MFNG: variants seen among roughly 807,000 people sequenced by gnomAD.
The protein encoded by MFNG is MFNG O-fucosylpeptide 3-beta-N-acetylglucosaminyltransferase.
Under a neutral mutation model 34.2 loss-of-function variants are expected in MFNG, and 24 were observed. The observed-to-expected ratio is 0.70, with a 90% CI of 0.51 to 0.99. The LOEUF is 0.99. Ranked by LOEUF, MFNG falls within the 50% of genes least tolerant of loss-of-function variation. MFNG has a pLI of 0.00. For synonymous variants in MFNG, 158 were observed against 179.2 expected (o/e 0.88, Z 0.94); for missense variants, 383 against 424.0 (o/e 0.90, Z 0.85).
chr22:37,486,229 G>C lies in MFNG; in HGVS notation c.-52C>G. On this transcript the variant is annotated 5_prime_UTR_variant, in exon 1 of 8. Coordinates refer to ENST00000356998, the MANE Select transcript of MFNG (RefSeq NM_002405.4). ...TCAGCCCCCAAATCCCAACCAGACA[G>C]GGAGGGGAAGCTGGTCAGGCAGGGG... is the stretch of plus-strand genomic sequence containing the variant. 6.8e-7 allele frequency: 1 copy of C among 1,463,612 alleles called. No homozygotes were observed. The highest frequency in any genetic ancestry group is 2.4e-5 in the East Asian group (1 of 41,194). 90.7% of individuals were successfully genotyped at this position (1,463,612 alleles called of 1,614,324 possible). A position where few individuals can be genotyped will look rare whatever the true frequency, so the allele number is the denominator to read the frequency against.
chr22:37,482,201 ACT>A lies in MFNG; in HGVS notation c.256-1434_256-1433del, dbSNP rs1237209308. On this transcript the variant is annotated intron_variant, in intron 1 of 7. Transcript: ENST00000356998. This position sits in a 1 kb window ranked among gnomAD's most constrained non-coding sequence, Gnocchi z 4.1. ...TCACCTCTCACTGGACTACTGCAAG[ACT>A]CTGCCTCATTCCCTCAGATATGTTT... Among the ~76,000 whole-genome samples the A allele has an allele frequency of 2.0e-5, 3 of 151,952 alleles. No individual in the cohort carries two copies. Among genetic ancestry groups the A allele is most frequent in the Non-Finnish European group, 2.9e-5 (2 of 67,966 alleles).
chr22:37,478,106 C>G (rs1396114289), intron 4 of MFNG, among the ~76,000 whole-genome samples: 1 of 152,206 alleles, frequency 6.6e-6, no homozygotes, highest in Non-Finnish European at 1.5e-5. Context: ...ACACAGAGCC[C>G]TAGGGCCCAG....
At position 37,486,330 on chromosome 22, in the gene MFNG, C is replaced by T; in HGVS notation, c.-153G>A. The stretch of plus-strand genomic sequence containing the variant: ...AGAGGTAGGAGCTGAGGCTCTGGAC[C>T]CAGAGGCTGAGCCATGGCAGCACGA... On this transcript the variant is annotated 5_prime_UTR_variant, in exon 1 of 8. Coordinates refer to ENST00000356998, the MANE Select transcript of MFNG (RefSeq NM_002405.4). 1.3e-6 allele frequency: 1 copy of T among 795,660 alleles called. No homozygotes were observed. Among genetic ancestry groups the T allele is most frequent in the Non-Finnish European group, 1.8e-6 (1 of 556,066 alleles). The allele number at this position is 795,660 out of a possible 1,614,324, so 49.3% of individuals were successfully genotyped here.
intron 1 of MFNG, chr22:37,484,535 C>G (rs947283095): frequency 6.6e-6 from 1 of 152,510 alleles, no homozygotes; most frequent in Non-Finnish European, 1.5e-5. Context: ...AGGCCTTCTG[C>G]GTGACACCAC....
chr22:37,481,780 C>T (rs1234392056), intron 1 of MFNG, among the ~76,000 whole-genome samples: 2 of 152,324 alleles, frequency 1.3e-5, no homozygotes, highest in Admixed American at 6.5e-5. Context: ...TAAAGCCCTC[C>T]GACTCTCTCA....
chr22:37,481,101 A>C, intron 1 of MFNG: 1 of 349,052 alleles, frequency 2.9e-6, no homozygotes, highest in Non-Finnish European at 5.3e-6. Flanking sequence ...ACACACACAC[A>C]CACAATCACA....
intron 7 of MFNG, among the ~76,000 whole-genome samples, chr22:37,472,204 G>C (rs978794147): frequency 2.6e-5 from 4 of 152,072 alleles, no homozygotes; most frequent in African/African-American, 9.7e-5. Flanking sequence ...ATCCATCATG[G>C]CCAGCCTCCA....
At position 37,469,332 on chromosome 22, in the gene MFNG, G is replaced by C. The variant is rs1367402581; in HGVS notation, c.*631C>G. ...GAAAGGCTGGGAAATGAGCAAAAAG[G>C]ATCATCACAATTGGCTGGGACCCGT... On this transcript the variant is annotated 3_prime_UTR_variant, in exon 8 of 8. Transcript: ENST00000356998. 6.0e-6 allele frequency: 1 copy of C among 167,164 alleles called. No individual in the cohort carries two copies. Among genetic ancestry groups the C allele is most frequent in the Non-Finnish European group, 1.3e-5 (1 of 76,598 alleles). 10.4% of individuals were successfully genotyped at this position (167,164 alleles called of 1,614,324 possible).
chr22:37,471,455 T>C lies in MFNG; in HGVS notation c.899+988A>G, dbSNP rs547247874. 1.6e-4 allele frequency among the ~76,000 whole-genome samples: 24 copies of C among 152,200 alleles called. No individual in the cohort carries two copies. The South Asian group carries it at 3.9e-3, about 25-fold the overall frequency. ...AAGGGGTCAAGCATCAGTTCTGGGG[T>C]TGGACTGATGGGCCCAGAGTCCATG... On this transcript the variant is annotated intron_variant, in intron 7 of 7. Transcript: ENST00000356998.
chr22:37,480,995 C>T (rs935351680), intron 1 of MFNG: 9 of 566,206 alleles, frequency 1.6e-5, no homozygotes, highest in Non-Finnish European at 2.2e-5. Context: ...TAAACACATA[C>T]ACTCACCCCC....
chr22:37,474,853 T>C (rs949438306), intron 5 of MFNG, among the ~76,000 whole-genome samples, 176 bp from the exon 6 acceptor site: 1 of 152,212 alleles, frequency 6.6e-6, no homozygotes, highest in African/African-American at 2.4e-5. Flanking sequence ...CTCAGTCTCC[T>C]GTTCTGTGAA....
chr22:37,485,981 A>G lies in MFNG; in HGVS notation c.197T>C (p.Phe66Ser), dbSNP rs949507617. The change falls in exon 1 of 8, where the codon TTC (phenylalanine) becomes TCC (serine). Residue 66 changes from phenylalanine (F) to serine (S), a missense_variant. Phe to Ser is a radical substitution (Grantham distance 155). Coordinates refer to ENST00000356998, the MANE Select transcript of MFNG (RefSeq NM_002405.4). This position sits in a 1 kb window ranked among gnomAD's most constrained non-coding sequence, Gnocchi z 5.3. ...CAGCAGCTCCAGGCGCAAGCGGTGG[A>G]AAGCCCGGGTCGTCTTCACTGCAAT... ...VFIAVKTTRA[F>S]HRLRLELLLD... 1.9e-6 allele frequency: 3 copies of G among 1,613,942 alleles called. No homozygotes were observed. The highest frequency in any genetic ancestry group is 2.2e-5 in the East Asian group (1 of 44,864).
intron 3 of MFNG, 97 bp from the exon 4 acceptor site, chr22:37,479,595 G>A: frequency 1.4e-6 from 2 of 1,480,132 alleles, no homozygotes; most frequent in African/African-American, 1.4e-5. Flanking sequence ...CGGAATGGGG[G>A]TAGGGGTGGG....
In MFNG at chr22:37,482,489, G is replaced by A. The variant is rs564027371; in HGVS notation, c.256-1720C>T. ...CACACACACACACACACGCACGTGC[G>A]CACGCCTCTGAGCCTCTGCGCATGC... On this transcript the variant is annotated intron_variant, in intron 1 of 7. Transcript: ENST00000356998. The surrounding 1 kb of genome is among the most constrained non-coding windows in gnomAD (Gnocchi z 4.1). 1.6e-4 allele frequency among the ~76,000 whole-genome samples: 25 copies of A among 151,922 alleles called. No individual in the cohort carries two copies. Among genetic ancestry groups the A allele is most frequent in the African/African-American group, 4.6e-4 (19 of 41,418 alleles).
intron 7 of MFNG, 60 bp from the exon 8 acceptor site, chr22:37,470,089 C>T (rs1444062370): frequency 7.5e-7 from 1 of 1,326,580 alleles, no homozygotes; most frequent in Admixed American, 2.0e-5. Flanking sequence ...TCAGCCCACT[C>T]TCCTAGGTGC....
chr22:37,486,031 AG>A lies in MFNG; in HGVS notation c.146del (p.Pro49LeufsTer12), dbSNP rs779079999. The A allele has an allele frequency of 1.1e-5, 17 of 1,613,906 alleles. No homozygotes were observed. The highest frequency in any genetic ancestry group is 1.4e-5 in the Non-Finnish European group (17 of 1,179,984). On this transcript the variant is annotated frameshift_variant, in exon 1 of 8. Coordinates refer to ENST00000356998, the MANE Select transcript of MFNG (RefSeq NM_002405.4). LOFTEE classifies it high-confidence loss of function. ...TGAAGACATCGTGTAGCTGTAGCTT[AG>A]GGGGCCCCGGGTTCGGCTGGCTCAG... The part of the protein sequence containing the change: ...PELSQPNPGP[P>X]KLQLHDVFIA...
chr22:37,478,844 AATTT>A (rs1922157368), intron 4 of MFNG, among the ~76,000 whole-genome samples: 2 of 151,922 alleles, frequency 1.3e-5, no homozygotes, highest in Admixed American at 1.3e-4. Flanking sequence ...ATGCCCAGCT[AATTT>A]TTGTATTTTT....
chr22:37,479,236 C>T, intron 4 of MFNG, 109 bp downstream of exon 4: 1 of 1,300,562 alleles, frequency 7.7e-7, no homozygotes, highest in Non-Finnish European at 1.0e-6. Flanking sequence ...TAGGGCCAAA[C>T]CTGAAACCCA....
intron 6 of MFNG, 94 bp downstream of exon 6, chr22:37,474,418 G>C: frequency 7.0e-7 from 1 of 1,427,480 alleles, no homozygotes; most frequent in Non-Finnish European, 9.6e-7. Context: ...TGGAGTTCCA[G>C]GTTTCTTTCA....
Sources: gnomAD v4.1 joint callset for allele counts (sites outside exome capture counted in the v4.1 genomes callset) on GRCh38, gnomAD v4.1.1 for gene constraint, Gnocchi (gnomAD v3.1) non-coding constraint, MANE v1.5 for transcripts, NCBI Gene and HGNC (gene_info 2026-07-23, HGNC 2026-07-21) for gene names.